Variants in GRM7 observed in about 807,000 individuals in gnomAD.
The protein encoded by GRM7 is metabotropic glutamate receptor 7.
Under a neutral mutation model 84.5 loss-of-function variants are expected in GRM7, and 35 were observed. The observed-to-expected ratio is 0.41, with a 90% CI of 0.32 to 0.55. GRM7 has a LOEUF of 0.55. Among genes scored for constraint, GRM7 ranks in the 20% least tolerant of loss-of-function variants. GRM7 has a pLI of 0.19. For synonymous variants in GRM7, 487 were observed against 455.1 expected (o/e 1.07, Z -0.89); for missense variants, 1,003 against 1,194.6 (o/e 0.84, Z 2.36).
At chr3:6,916,509 T>TA (rs1696945230) in intron 1 of GRM7, among the ~76,000 whole-genome samples, 1 of 152,150 alleles carries the variant, frequency 6.6e-6, no homozygotes, top group Non-Finnish European at 1.5e-5. Flanking sequence ...ATTCATTTCT[T>TA]AGAGTTCTAG....
intron 7 of GRM7, among the ~76,000 whole-genome samples, chr3:7,501,336 G>A (rs908622121): frequency 6.6e-5 from 10 of 152,268 alleles, no homozygotes; most frequent in Middle Eastern, 3.4e-3. Flanking sequence ...AGAAAAGCAG[G>A]TGTTTCTGAA....
intron 2 of GRM7, among the ~76,000 whole-genome samples, chr3:7,266,699 A>C (rs1698654634): frequency 6.6e-6 from 1 of 152,178 alleles, no homozygotes; most frequent in Non-Finnish European, 1.5e-5. Flanking sequence ...AACCCAGAAA[A>C]ACATTTATTT....
At chr3:7,352,613 A>G (rs1483131255) in intron 4 of GRM7, among the ~76,000 whole-genome samples, 1 of 152,118 alleles carries the variant, frequency 6.6e-6, no homozygotes, top group Non-Finnish European at 1.5e-5. Context: ...TTCTACTGTT[A>G]AAGAGAGGAC....
chr3:7,011,011 T>C (rs1302119360), intron 1 of GRM7, among the ~76,000 whole-genome samples: 1 of 152,166 alleles, frequency 6.6e-6, no homozygotes, highest in Non-Finnish European at 1.5e-5. Flanking sequence ...GTGCAGTGGA[T>C]CCAGGCCAAG....
At chr3:7,721,304 T>C (rs975753353) in intron 9 of GRM7, among the ~76,000 whole-genome samples, 1 of 152,234 alleles carries the variant, frequency 6.6e-6, no homozygotes, top group African/African-American at 2.4e-5. Context: ...CTTTGAGATG[T>C]AACAAGTTGT....
intron 1 of GRM7, among the ~76,000 whole-genome samples, chr3:7,003,902 T>A (rs911938365): frequency 2.0e-5 from 3 of 152,132 alleles, no homozygotes; most frequent in African/African-American, 7.2e-5. Flanking sequence ...AGAGATGAAG[T>A]AATTGGAAGG....
chr3:6,962,654 T>C (rs1289672192), intron 1 of GRM7, among the ~76,000 whole-genome samples: 3 of 152,132 alleles, frequency 2.0e-5, no homozygotes, highest in Admixed American at 6.5e-5. Flanking sequence ...GTTCAGTTAG[T>C]GTAAGTAGTT....
At chr3:7,289,248 CA>C (rs1699536107) in intron 2 of GRM7, among the ~76,000 whole-genome samples, 1 of 152,150 alleles carries the variant, frequency 6.6e-6, no homozygotes, top group Non-Finnish European at 1.5e-5. Context: ...GCTTGCTTTG[CA>C]AAGACTTCTT....
At chr3:7,483,754 G>A (rs1443872471) in intron 7 of GRM7, among the ~76,000 whole-genome samples, 1 of 151,878 alleles carries the variant, frequency 6.6e-6, no homozygotes, top group African/African-American at 2.4e-5. Flanking sequence ...ATGAGAGATA[G>A]ATATAGATAG....
At chr3:6,966,253 G>A (rs1042084226) in intron 1 of GRM7, among the ~76,000 whole-genome samples, 3 of 152,098 alleles carry the variant, frequency 2.0e-5, no homozygotes, top group Non-Finnish European at 4.4e-5. Flanking sequence ...CACATAATTA[G>A]TGTAGGCAGG....
At chr3:7,078,193 T>A (rs1415047842) in intron 1 of GRM7, among the ~76,000 whole-genome samples, 7 of 152,198 alleles carry the variant, frequency 4.6e-5, no homozygotes, top group Non-Finnish European at 7.3e-5. Flanking sequence ...GTATCAGGTA[T>A]ACAAACTCTC....
intron 1 of GRM7, among the ~76,000 whole-genome samples, chr3:6,876,259 C>T (rs943034439): frequency 2.6e-5 from 4 of 151,352 alleles, no homozygotes; most frequent in African/African-American, 9.7e-5. Flanking sequence ...CAGAGCGAGG[C>T]TCCATCTCAA....
chr3:7,174,510 TC>T (rs999481768), intron 2 of GRM7, among the ~76,000 whole-genome samples: 15 of 152,190 alleles, frequency 9.9e-5, no homozygotes, highest in African/African-American at 3.6e-4. Context: ...TCTAGGGCAG[TC>T]CTTTTTATGA....
chr3:6,925,159 A>G (rs1286275620), intron 1 of GRM7, among the ~76,000 whole-genome samples: 1 of 152,084 alleles, frequency 6.6e-6, no homozygotes, highest in Non-Finnish European at 1.5e-5. Flanking sequence ...AATCATGTGT[A>G]TTTCTTCCTT....
chr3:7,734,248 G>A (rs1014793709), intron 9 of GRM7, among the ~76,000 whole-genome samples: 4 of 69,294 alleles, frequency 5.8e-5, no homozygotes, highest in East Asian at 3.3e-4. Context: ...TGGCAGGGGC[G>A]GGGGGGGGGT....
At chr3:7,639,704 T>A (rs150912747) in intron 8 of GRM7, among the ~76,000 whole-genome samples, 1 of 152,306 alleles carries the variant, frequency 6.6e-6, no homozygotes, top group East Asian at 1.9e-4. Flanking sequence ...GTATGCAGTA[T>A]ACATATAATT....
intron 1 of GRM7, among the ~76,000 whole-genome samples, chr3:6,982,065 A>C (rs1382197500): frequency 6.6e-6 from 1 of 152,172 alleles, no homozygotes; most frequent in African/African-American, 2.4e-5. Context: ...TCAACGGTGG[A>C]CTGGATTAAG....
At chr3:7,160,686 C>A (rs1694596041) in intron 2 of GRM7, among the ~76,000 whole-genome samples, 2 of 152,122 alleles carry the variant, frequency 1.3e-5, no homozygotes, top group South Asian at 4.1e-4. Flanking sequence ...CCCCACCAAA[C>A]AAGATTAGTT....
intron 9 of GRM7, among the ~76,000 whole-genome samples, chr3:7,711,696 G>A (rs907942764): frequency 3.3e-5 from 5 of 152,140 alleles, no homozygotes; most frequent in African/African-American, 7.2e-5. Context: ...CTCCCTATCC[G>A]CGTTCTTTTA....
Sources: gnomAD v4.1 joint callset for allele counts (sites outside exome capture counted in the v4.1 genomes callset) on GRCh38, gnomAD v4.1.1 for gene constraint, MANE v1.5 for transcripts, NCBI Gene and HGNC (gene_info 2026-07-23, HGNC 2026-07-21) for gene names.